Variants in ATG7 observed in about 807,000 individuals in gnomAD.
ATG7 encodes autophagy related 7.
ATG7 carries 70 observed loss-of-function variants against 82.4 expected under a neutral mutation model. The ratio of observed to expected loss-of-function variants is 0.85; its 90% CI spans 0.70 to 1.04. The LOEUF (loss-of-function observed/expected upper bound fraction) is 1.04, where lower values mean the gene tolerates loss of function less well. ATG7 is among the 50% of genes least tolerant of loss of function. The probability of loss-of-function intolerance (pLI) is 0.00; values close to 1 mark genes in which losing one functional copy is unlikely to be tolerated. For missense variants in ATG7, 792 were observed against 864.3 expected (o/e 0.92, Z 1.05); for synonymous variants, 287 against 313.0 (o/e 0.92, Z 0.88).
At chr3:11,497,535 A>G (rs867948977) in intron 20 of ATG7, among the ~76,000 whole-genome samples, 100 of 138,112 alleles carry the variant, frequency 7.2e-4, no homozygotes, top group East Asian at 6.5e-3. Context: ...GACTCCACCA[A>G]AAAAAAAAAA....
At chr3:11,275,721 A>G (rs1024135819) in intron 1 of ATG7, among the ~76,000 whole-genome samples, 1 of 152,060 alleles carries the variant, frequency 6.6e-6, no homozygotes, top group African/African-American at 2.4e-5. Context: ...TGTATAATCA[A>G]GGGACAATAA....
intron 19 of ATG7, among the ~76,000 whole-genome samples, chr3:11,410,926 AGAATT>A (rs2080833858): frequency 6.6e-6 from 1 of 152,196 alleles, no homozygotes; most frequent in African/African-American, 2.4e-5. Context: ...GTGTATAGCC[AGAATT>A]GAATTGCTGG....
intron 20 of ATG7, among the ~76,000 whole-genome samples, chr3:11,436,724 T>C (rs1174686644): frequency 6.6e-6 from 1 of 152,186 alleles, no homozygotes; most frequent in African/African-American, 2.4e-5. Flanking sequence ...TAATGGAGTA[T>C]TCAGCAATAA....
At chr3:11,391,378 T>C (rs189866152) in intron 19 of ATG7, among the ~76,000 whole-genome samples, 4 of 152,316 alleles carry the variant, frequency 2.6e-5, no homozygotes, top group Admixed American at 6.5e-5. Flanking sequence ...TGAATTCTCA[T>C]TTCCTGGAGG....
the ATG7 span, among the ~76,000 whole-genome samples, chr3:11,567,486 G>A: frequency 6.6e-6 from 1 of 152,178 alleles, no homozygotes; most frequent in Admixed American, 6.5e-5. Context: ...AGAATGTTCT[G>A]GCAGAGTCTA....
chr3:11,566,644 C>T, the ATG7 span, among the ~76,000 whole-genome samples: 3 of 152,304 alleles, frequency 2.0e-5, no homozygotes, highest in Admixed American at 2.0e-4. Context: ...CACTCTCTGC[C>T]TCTGTGGCTG....
chr3:11,380,178 A>G (rs1575872452), intron 19 of ATG7, 126 bp downstream of exon 19: 2 of 794,438 alleles, frequency 2.5e-6, no homozygotes, highest in Middle Eastern at 2.7e-4. Flanking sequence ...GTGGGGTCTA[A>G]ACCCTCAGAA....
chr3:11,420,991 G>A (rs929385579), intron 19 of ATG7, among the ~76,000 whole-genome samples: 2 of 151,974 alleles, frequency 1.3e-5, no homozygotes, highest in African/African-American at 2.4e-5. Context: ...TCCTGACCTC[G>A]TGATCCGCCT....
chr3:11,394,979 C>T (rs1224379624), intron 19 of ATG7, among the ~76,000 whole-genome samples: 3 of 152,088 alleles, frequency 2.0e-5, no homozygotes, highest in African/African-American at 7.2e-5. Flanking sequence ...AGATATTGTA[C>T]TTATTAGACA....
At chr3:11,381,691 C>CATA (rs1479259897) in intron 19 of ATG7, among the ~76,000 whole-genome samples, 1 of 152,206 alleles carries the variant, frequency 6.6e-6, no homozygotes, top group Non-Finnish European at 1.5e-5. Context: ...TCCTGCTTTA[C>CATA]ATAAACATGT....
At chr3:11,497,357 C>CTA (rs58838386) in intron 20 of ATG7, among the ~76,000 whole-genome samples, 1,866 of 57,188 alleles carry the variant, frequency 0.033, 70 homozygotes, top group African/African-American at 0.059. Context: ...ACTAAAAATA[C>CTA]TATATATATA....
chr3:11,330,235 G>A (rs1575489580), intron 9 of ATG7, among the ~76,000 whole-genome samples: 1 of 152,146 alleles, frequency 6.6e-6, no homozygotes, highest in Non-Finnish European at 1.5e-5. Flanking sequence ...AGTAATTCCA[G>A]CTACCTTTAA....
intron 5 of ATG7, among the ~76,000 whole-genome samples, chr3:11,305,199 C>G (rs891251815): frequency 1.3e-5 from 2 of 152,224 alleles, no homozygotes; most frequent in East Asian, 3.8e-4. Context: ...TTTTTAAATT[C>G]ATTTTCCTGC....
At chr3:11,364,802 C>A in intron 18 of ATG7, 68 bp downstream of exon 18, 1 of 1,543,278 alleles carries the variant, frequency 6.5e-7, no homozygotes. Flanking sequence ...GTCTCTTTGC[C>A]ATTCCATCTG....
intron 20 of ATG7, among the ~76,000 whole-genome samples, chr3:11,427,814 CAAA>C (rs11288609): frequency 6.7e-5 from 9 of 135,240 alleles, no homozygotes; most frequent in Non-Finnish European, 9.7e-5. Context: ...GACTCCGTCT[CAAA>C]AAAAAAAAAA....
chr3:11,468,327 A>T (rs2087049580), intron 20 of ATG7, among the ~76,000 whole-genome samples: 1 of 152,084 alleles, frequency 6.6e-6, no homozygotes, highest in Admixed American at 6.6e-5. Context: ...GTGGGAGAGC[A>T]CAGGCCAGCC....
intron 19 of ATG7, among the ~76,000 whole-genome samples, chr3:11,409,551 A>T (rs1448411738): frequency 6.6e-6 from 1 of 152,208 alleles, no homozygotes; most frequent in African/African-American, 2.4e-5. Context: ...TTCAACTTAT[A>T]GTTGGTGTAT....
At chr3:11,471,099 G>C (rs1308192449) in intron 20 of ATG7, among the ~76,000 whole-genome samples, 2 of 152,040 alleles carry the variant, frequency 1.3e-5, no homozygotes, top group Non-Finnish European at 2.9e-5. Context: ...TCCCCTCCAG[G>C]CTACCCTCCA....
chr3:11,344,712 T>A (rs961823589), intron 13 of ATG7, among the ~76,000 whole-genome samples: 70 of 151,816 alleles, frequency 4.6e-4, no homozygotes, highest in African/African-American at 1.6e-3. Context: ...ACAAAAAAAA[T>A]ATAAAAATTA....
Sources: gnomAD v4.1 joint callset for allele counts (sites outside exome capture counted in the v4.1 genomes callset) on GRCh38, gnomAD v4.1.1 for gene constraint, MANE v1.5 for transcripts, NCBI Gene and HGNC (gene_info 2026-07-23, HGNC 2026-07-21) for gene names.